The following SLC16A12 variants were observed in gnomAD, a reference collection of about 807,000 sequenced individuals.
SLC16A12 encodes solute carrier family 16 member 12.
SLC16A12 carries 17 observed loss-of-function variants against 42.4 expected under a neutral mutation model. That is an observed-to-expected ratio of 0.40 (90% CI 0.27 to 0.60). The LOEUF (loss-of-function observed/expected upper bound fraction) is 0.60, where lower values mean the gene tolerates loss of function less well. SLC16A12 is among the 20% of genes least tolerant of loss of function. The pLI, the probability that SLC16A12 is intolerant of heterozygous loss-of-function variation, is 0.42. For missense variants in SLC16A12, 544 were observed against 623.0 expected, an observed-to-expected ratio of 0.87 and a Z score of 1.35; for synonymous variants, 224 against 229.4, an observed-to-expected ratio of 0.98 and a Z score of 0.21.
At chr10:89,453,059 C>T (rs1218647239) in intron 3 of SLC16A12, among the ~76,000 whole-genome samples, 1 of 152,182 alleles carries the variant, frequency 6.6e-6, no homozygotes, top group Non-Finnish European at 1.5e-5. Flanking sequence ...CTATGTAATT[C>T]TCTGTCAAAG....
At chr10:89,501,683 G>A (rs1842992454) in intron 2 of SLC16A12, among the ~76,000 whole-genome samples, 1 of 152,140 alleles carries the variant, frequency 6.6e-6, no homozygotes. Flanking sequence ...CCCAGGAGAT[G>A]AAGGTTGCAG....
At chr10:89,507,722 A>C (rs1177580680) in intron 2 of SLC16A12, among the ~76,000 whole-genome samples, 1 of 152,184 alleles carries the variant, frequency 6.6e-6, no homozygotes, top group East Asian at 1.9e-4. Flanking sequence ...AAATTCACAC[A>C]TAACAATATT....
chr10:89,537,216 C>G (rs1242266039), upstream of SLC16A12, among the ~76,000 whole-genome samples: 1 of 142,826 alleles, frequency 7.0e-6, no homozygotes, highest in African/African-American at 2.5e-5. Flanking sequence ...TTCACTATGT[C>G]GCTAAGGCTA....
Position 89,433,070 on chromosome 10 carries a change from GAGGCTGTAGCC to G in SLC16A12, c.1534_1544del (p.Gly512HisfsTer14). 1 of 1,614,126 alleles carries G rather than the reference GAGGCTGTAGCC, an allele frequency of 6.2e-7. No individual in the cohort carries two copies. Among genetic ancestry groups the G allele is most frequent in the South Asian group, 1.1e-5 (1 of 91,074 alleles). ...TGGGGCTCAAGGCCTTTGGTCATGT[GAGGCTGTAGCC>G]AGGCACTGCTGTAGCCACAGGCTCC... On this transcript the variant is annotated frameshift_variant, in exon 8 of 8. Coordinates refer to ENST00000371790, the MANE Select transcript of SLC16A12 (RefSeq NM_213606.4). LOFTEE classifies it high-confidence loss of function.
At chr10:89,442,531 T>C (rs1841930404) in intron 4 of SLC16A12, among the ~76,000 whole-genome samples, 1 of 152,152 alleles carries the variant, frequency 6.6e-6, no homozygotes, top group Non-Finnish European at 1.5e-5. Context: ...AAGACAAACA[T>C]GGCTTCTTTG....
chr10:89,492,097 G>C (rs1163378810), intron 2 of SLC16A12, among the ~76,000 whole-genome samples: 1 of 152,162 alleles, frequency 6.6e-6, no homozygotes, highest in Admixed American at 6.5e-5. Context: ...TCACCTTTGA[G>C]ACTGACATGA....
intron 2 of SLC16A12, among the ~76,000 whole-genome samples, chr10:89,529,944 A>G (rs1843517837): frequency 6.6e-6 from 1 of 152,234 alleles, no homozygotes; most frequent in Non-Finnish European, 1.5e-5. Flanking sequence ...TTCAAAATAT[A>G]CAGGGTACCC....
At chr10:89,543,859 G>T (rs918755823) in intron 2 of SLC16A12, among the ~76,000 whole-genome samples, 4 of 152,070 alleles carry the variant, frequency 2.6e-5, no homozygotes, top group Non-Finnish European at 5.9e-5. Flanking sequence ...AATGGATAAA[G>T]TGCTTAGCAC....
intron 2 of SLC16A12, among the ~76,000 whole-genome samples, chr10:89,553,703 GCACTT>G (rs1843784942): frequency 6.6e-6 from 1 of 152,088 alleles, no homozygotes; most frequent in Non-Finnish European, 1.5e-5. Flanking sequence ...GGCCCTCACA[GCACTT>G]TGAAAATTAT....
intron 2 of SLC16A12, among the ~76,000 whole-genome samples, chr10:89,524,467 A>G (rs1843415539): frequency 6.6e-6 from 1 of 152,156 alleles, no homozygotes; most frequent in African/African-American, 2.4e-5. Context: ...CAGTGCTTTC[A>G]ATTCCAAGGC....
chr10:89,522,026 G>A (rs1278649187), intron 2 of SLC16A12, among the ~76,000 whole-genome samples: 1 of 152,166 alleles, frequency 6.6e-6, no homozygotes, highest in African/African-American at 2.4e-5. Flanking sequence ...CCTCCAATGA[G>A]AGGCAGGGCC....
At chr10:89,460,279 A>C (rs980063197) in intron 3 of SLC16A12, among the ~76,000 whole-genome samples, 6 of 152,112 alleles carry the variant, frequency 3.9e-5, no homozygotes, top group Admixed American at 3.9e-4. Context: ...CCCAGAACAC[A>C]AGACTCATAA....
At position 89,438,646 on chromosome 10, in the gene SLC16A12, T is replaced by A. The variant is rs868663250; in HGVS notation, c.986A>T (p.Asp329Val). Reference protein sequence around the residue: ...AFLMSILGVIDIIGNITFGWL... With the variant: ...AFLMSILGVIVIIGNITFGWL... Reference sequence around the variant, plus strand: ...TCCAAATGTGATATTGCCAATAATGTCAATCACTCCAAGTATGGACATAAG... The same window carrying A: ...TCCAAATGTGATATTGCCAATAATGACAATCACTCCAAGTATGGACATAAG... Residue 329 changes from aspartate to valine, a missense_variant, in exon 6 of 8, where the codon GAC becomes GTC. By Grantham distance (152) the Asp-to-Val change is radical. Transcript: ENST00000371790. 10 of 1,613,796 alleles carry A rather than the reference T, an allele frequency of 6.2e-6. No individual in the cohort carries two copies. In the Middle Eastern group the frequency reaches 8.3e-4, roughly 133 times the overall value.
intron 2 of SLC16A12, among the ~76,000 whole-genome samples, chr10:89,481,525 C>T (rs1439265147): frequency 6.6e-6 from 1 of 152,008 alleles, no homozygotes; most frequent in Non-Finnish European, 1.5e-5. Context: ...TTAAAAGTTT[C>T]CCCCTCACTT....
At chr10:89,513,742 A>AAAT in intron 2 of SLC16A12, among the ~76,000 whole-genome samples, 1 of 152,230 alleles carries the variant, frequency 6.6e-6, no homozygotes, top group Admixed American at 6.5e-5. Context: ...TAGTCAGACC[A>AAAT]GTGCCCACCA....
intron 2 of SLC16A12, among the ~76,000 whole-genome samples, chr10:89,497,544 A>G (rs1170860120): frequency 6.6e-6 from 1 of 152,170 alleles, no homozygotes; most frequent in East Asian, 1.9e-4. Context: ...AGAATTCTAC[A>G]TGGTGTGGGG....
intron 3 of SLC16A12, among the ~76,000 whole-genome samples, chr10:89,450,549 T>C (rs1178150091): frequency 1.3e-5 from 2 of 152,186 alleles, no homozygotes; most frequent in Non-Finnish European, 2.9e-5. Context: ...TAAGTGGAAC[T>C]TGAACAATGA....
In SLC16A12 at chr10:89,434,321, G is replaced by A. The variant is rs116901649; in HGVS notation, c.1289-995C>T. ...TTAATCCTCGAATTTCCAGTAATGAGTATCATGTCTGATTTGCCAATGAAG... is the reference window on the plus strand; with the variant it reads ...TTAATCCTCGAATTTCCAGTAATGAATATCATGTCTGATTTGCCAATGAAG... On this transcript the variant is annotated intron_variant, in intron 7 of 7. Transcript: ENST00000371790. Among the ~76,000 whole-genome samples, 747 of 152,310 alleles carry A rather than the reference G, an allele frequency of 4.9e-3. 30 individuals are homozygous for A. In the East Asian group the frequency reaches 0.098, roughly 20 times the overall value.
intron 2 of SLC16A12, among the ~76,000 whole-genome samples, chr10:89,531,603 T>C (rs1340684219): frequency 1.3e-5 from 2 of 151,986 alleles, no homozygotes; most frequent in African/African-American, 4.8e-5. Flanking sequence ...ATCCAATGAG[T>C]TGTTTCAGTG....
Sources: gnomAD v4.1 joint callset for allele counts (sites outside exome capture counted in the v4.1 genomes callset) on GRCh38, gnomAD v4.1.1 for gene constraint, MANE v1.5 for transcripts, NCBI Gene and HGNC (gene_info 2026-07-23, HGNC 2026-07-21) for gene names.